The following FOXP1 variants were observed in gnomAD, a reference collection of about 807,000 sequenced individuals.
FOXP1 encodes forkhead box protein P1.
A neutral mutation model predicts 98.2 loss-of-function variants in FOXP1; 15 were observed. The observed-to-expected ratio is 0.15, with a 90% CI of 0.10 to 0.24. The LOEUF (loss-of-function observed/expected upper bound fraction) is 0.24, where lower values mean the gene tolerates loss of function less well. Among genes scored for constraint, FOXP1 ranks in the 10% least tolerant of loss-of-function variants. FOXP1 has a pLI of 1.00. For synonymous variants in FOXP1, 371 were observed against 314.5 expected (o/e 1.18, Z -1.90); for missense variants, 633 against 848.5 (o/e 0.75, Z 3.15).
intron 4 of FOXP1, among the ~76,000 whole-genome samples, chr3:71,350,675 A>G (rs2107837810): frequency 6.6e-6 from 1 of 152,326 alleles, no homozygotes; most frequent in East Asian, 1.9e-4. Flanking sequence ...TAGGCAGACA[A>G]CTTTCTGGGA....
intron 2 of FOXP1, among the ~76,000 whole-genome samples, chr3:71,576,283 T>C (rs1414758186): frequency 1.3e-5 from 2 of 152,078 alleles, no homozygotes; most frequent in African/African-American, 2.4e-5. Flanking sequence ...GAGAAGTAAA[T>C]AGTAAACAGA....
rs1406080903 is a variant in FOXP1 at position 70,969,135 on chromosome 3, T to G, written c.1722+1601A>C. On this transcript the variant is annotated intron_variant, in intron 19 of 20. Coordinates refer to ENST00000649528, the MANE Select transcript of FOXP1 (RefSeq NM_001349338.3). The stretch of plus-strand genomic sequence containing the variant: ...TGGAGGATCACTTTTTTTTTTTTTT[T>G]GCCTTTCCGGCTCATGAATATAAAA... 6.7e-4 allele frequency: 101 copies of G among 151,800 alleles called. 1 individual carries two copies. The highest frequency in any genetic ancestry group is 6.4e-3 in the Admixed American group (98 of 15,252). The allele number at this position is 151,800 out of a possible 1,614,324, so 9.4% of individuals were successfully genotyped here.
At chr3:71,353,688 T>C (rs2077952411) in intron 4 of FOXP1, among the ~76,000 whole-genome samples, 1 of 152,172 alleles carries the variant, frequency 6.6e-6, no homozygotes. Flanking sequence ...CCATAAGTCG[T>C]GTAAATAAGA....
At chr3:71,333,397 TAAAA>T (rs55920271) in intron 4 of FOXP1, 2 of 151,428 alleles carry the variant, frequency 1.3e-5, no homozygotes, top group African/African-American at 4.9e-5. Flanking sequence ...TACAAAGTGA[TAAAA>T]AAAAAGGAAC....
intron 13 of FOXP1, among the ~76,000 whole-genome samples, chr3:71,000,545 ACT>A (rs749750166): frequency 2.0e-5 from 3 of 151,848 alleles, no homozygotes; most frequent in Non-Finnish European, 4.4e-5. Flanking sequence ...ATTCTCTCAA[ACT>A]CTCTTTCCCC....
intron 3 of FOXP1, among the ~76,000 whole-genome samples, chr3:71,388,683 A>G (rs2080788610): frequency 6.6e-6 from 1 of 152,238 alleles, no homozygotes; most frequent in Non-Finnish European, 1.5e-5. Flanking sequence ...AGAAGAAAAA[A>G]ACATAGTGGC....
chr3:71,427,078 T>A (rs1311238438), intron 3 of FOXP1, among the ~76,000 whole-genome samples: 1 of 146,594 alleles, frequency 6.8e-6, no homozygotes, highest in African/African-American at 2.6e-5. Flanking sequence ...AAAAAAAAAA[T>A]CAGATGCATT....
chr3:71,097,612 C>T (rs1004813419), intron 7 of FOXP1, among the ~76,000 whole-genome samples: 6 of 152,136 alleles, frequency 3.9e-5, no homozygotes, highest in Non-Finnish European at 7.3e-5. Flanking sequence ...ACTTCATTAC[C>T]CAGCCACCTT....
intron 13 of FOXP1, among the ~76,000 whole-genome samples, chr3:70,991,178 G>T (rs552758107): frequency 6.6e-6 from 1 of 152,226 alleles, no homozygotes; most frequent in East Asian, 1.9e-4. Context: ...GGCTAACTGG[G>T]AAGGGAAATA....
At chr3:71,462,307 G>A (rs931211933) in intron 3 of FOXP1, among the ~76,000 whole-genome samples, 15 of 152,132 alleles carry the variant, frequency 9.9e-5, no homozygotes, top group Admixed American at 6.5e-5. Context: ...AAACCTATTC[G>A]AGTCATGCAG....
At chr3:71,264,491 T>A (rs996653783) in intron 5 of FOXP1, among the ~76,000 whole-genome samples, 1 of 152,242 alleles carries the variant, frequency 6.6e-6, no homozygotes, top group Non-Finnish European at 1.5e-5. Context: ...GAGCCATGAA[T>A]GGTGTTTTAG....
chr3:71,122,373 C>G (rs2058841182), intron 6 of FOXP1, among the ~76,000 whole-genome samples: 1 of 152,070 alleles, frequency 6.6e-6, no homozygotes, highest in Admixed American at 6.5e-5. Context: ...AAGGGCCAAA[C>G]AAGAATAATA....
intron 7 of FOXP1, among the ~76,000 whole-genome samples, chr3:71,066,113 GCAA>G (rs2052473337): frequency 1.6e-5 from 2 of 124,720 alleles, no homozygotes; most frequent in Admixed American, 7.7e-5. Flanking sequence ...AAAAAAAAAG[GCAA>G]CAAAATCTGA....
intron 3 of FOXP1, among the ~76,000 whole-genome samples, chr3:71,400,013 T>C (rs2081842193): frequency 6.6e-6 from 1 of 152,218 alleles, no homozygotes; most frequent in Non-Finnish European, 1.5e-5. Flanking sequence ...CCAAATCTAA[T>C]TAATGCAGTG....
chr3:71,083,678 G>A (rs973822064), intron 7 of FOXP1, among the ~76,000 whole-genome samples: 2 of 152,140 alleles, frequency 1.3e-5, no homozygotes, highest in African/African-American at 2.4e-5. Flanking sequence ...GACAAAGAAC[G>A]GAGCCAATAG....
intron 3 of FOXP1, among the ~76,000 whole-genome samples, chr3:71,472,178 A>G (rs1171614125): frequency 2.6e-5 from 4 of 152,128 alleles, no homozygotes; most frequent in South Asian, 4.1e-4. Flanking sequence ...TGCAGAGGAC[A>G]TACCTTTTTG....
chr3:71,394,035 A>G (rs1382632393), intron 3 of FOXP1, among the ~76,000 whole-genome samples: 4 of 152,212 alleles, frequency 2.6e-5, no homozygotes, highest in Non-Finnish European at 5.9e-5. Flanking sequence ...TGCGGAGCAG[A>G]GCAAGAGTTT....
At chr3:71,061,331 T>C (rs1441683813) in intron 7 of FOXP1, among the ~76,000 whole-genome samples, 9 of 152,164 alleles carry the variant, frequency 5.9e-5, no homozygotes, top group African/African-American at 2.2e-4. Context: ...CTACAGCTCA[T>C]CACCAATGTA....
At chr3:71,104,388 G>A (rs749802534) in intron 7 of FOXP1, among the ~76,000 whole-genome samples, 7 of 152,154 alleles carry the variant, frequency 4.6e-5, no homozygotes, top group Non-Finnish European at 5.9e-5. Context: ...TATCCAAGAA[G>A]AAGCCGCCCT....
Sources: allele counts gnomAD v4.1 joint callset (sites outside exome capture counted in the v4.1 genomes callset), GRCh38; gene constraint gnomAD v4.1.1; transcripts MANE v1.5; gene names NCBI Gene and HGNC (gene_info 2026-07-23, HGNC 2026-07-21).